The following POLR1A variants were observed in gnomAD, a reference collection of about 807,000 sequenced individuals.
The protein encoded by POLR1A is DNA-directed RNA polymerase I subunit RPA1.
POLR1A carries 84 observed loss-of-function variants against 205.3 expected under a neutral mutation model. That is an observed-to-expected ratio of 0.41 (90% CI 0.34 to 0.49). POLR1A has a LOEUF of 0.49. Ranked by LOEUF, POLR1A falls within the 20% of genes least tolerant of loss-of-function variation. The probability of loss-of-function intolerance (pLI) is 0.22; values close to 1 mark genes in which losing one functional copy is unlikely to be tolerated. For synonymous variants in POLR1A, 799 were observed against 863.7 expected, an observed-to-expected ratio of 0.93 and a Z score of 1.31; for missense variants, 1,645 against 2,204.5, an observed-to-expected ratio of 0.75 and a Z score of 5.08.
At chr2:86,099,170 T>C (rs928683327) in intron 2 of POLR1A, among the ~76,000 whole-genome samples, 4 of 151,948 alleles carry the variant, frequency 2.6e-5, no homozygotes, top group African/African-American at 9.7e-5. Context: ...GCCAACATGA[T>C]GAACCTGTCT....
At chr2:86,058,002 A>G (rs1227468865) in intron 14 of POLR1A, among the ~76,000 whole-genome samples, 1 of 151,950 alleles carries the variant, frequency 6.6e-6, no homozygotes, top group Non-Finnish European at 1.5e-5. Flanking sequence ...TGGCACAATC[A>G]TAGCTCACTG....
chr2:86,095,284 T>C (rs1196610423), intron 3 of POLR1A, among the ~76,000 whole-genome samples: 1 of 152,152 alleles, frequency 6.6e-6, no homozygotes, highest in African/African-American at 2.4e-5. Flanking sequence ...ACAACTTTTC[T>C]ATGTGACAAG....
intron 3 of POLR1A, 98 bp from the exon 4 acceptor site, chr2:86,090,027 T>C (rs1673573835): frequency 4.5e-6 from 3 of 671,384 alleles, no homozygotes; most frequent in Admixed American, 2.7e-5. Flanking sequence ...AAAAGATTCA[T>C]TTGAAGGGAG....
At chr2:86,063,549 CATATT>C (rs1457339241) in intron 14 of POLR1A, among the ~76,000 whole-genome samples, 2 of 152,008 alleles carry the variant, frequency 1.3e-5, no homozygotes, top group African/African-American at 4.8e-5. Flanking sequence ...ACCAAACAAA[CATATT>C]ATAAGAAAAT....
intron 19 of POLR1A, 78 bp downstream of exon 19, chr2:86,047,083 GAACA>G: frequency 1.1e-6 from 1 of 885,602 alleles, no homozygotes. Context: ...GTTTTATAGG[GAACA>G]AACTGAAACC....
intron 8 of POLR1A, among the ~76,000 whole-genome samples, chr2:86,081,336 C>T (rs4832240): frequency 0.28 from 42,123 of 151,972 alleles, 7,086 homozygotes; most frequent in East Asian, 0.5. Context: ...GCAGAGGTTG[C>T]AGTAAGTCAA....
intron 3 of POLR1A, among the ~76,000 whole-genome samples, 179 bp from the exon 4 acceptor site, chr2:86,090,108 ACAAG>A (rs1673575121): frequency 6.6e-6 from 1 of 152,156 alleles, no homozygotes; most frequent in African/African-American, 2.4e-5. Context: ...AAAAAATCAA[ACAAG>A]GTCAGGCGTG....
chr2:86,034,431 G>C (rs989318884), intron 27 of POLR1A, among the ~76,000 whole-genome samples: 2 of 152,220 alleles, frequency 1.3e-5, no homozygotes, highest in African/African-American at 4.8e-5. Context: ...TTGTGGCAAT[G>C]AATCGTGTCA....
intron 6 of POLR1A, among the ~76,000 whole-genome samples, chr2:86,087,074 T>A (rs1324781480): frequency 6.6e-6 from 1 of 152,224 alleles, no homozygotes; most frequent in Non-Finnish European, 1.5e-5. Flanking sequence ...GTCTGTAGTT[T>A]AGATAATAGT....
chr2:86,087,341 T>C (rs1673519929), intron 6 of POLR1A, among the ~76,000 whole-genome samples: 1 of 152,250 alleles, frequency 6.6e-6, no homozygotes, highest in African/African-American at 2.4e-5. Context: ...CTTATTTCCA[T>C]GCTTATCCCA....
At chr2:86,066,177 T>C (rs970808530) in intron 13 of POLR1A, among the ~76,000 whole-genome samples, 2 of 152,096 alleles carry the variant, frequency 1.3e-5, no homozygotes, top group African/African-American at 4.8e-5. Context: ...CTGGCCAGTG[T>C]TGGGAGGAAG....
At chr2:86,046,086 A>G (rs956260944) in intron 19 of POLR1A, among the ~76,000 whole-genome samples, 1 of 152,110 alleles carries the variant, frequency 6.6e-6, no homozygotes, top group Non-Finnish European at 1.5e-5. Flanking sequence ...GGGGAAAGAG[A>G]GGCCTGCAGG....
intron 1 of POLR1A, among the ~76,000 whole-genome samples, chr2:86,101,267 A>G (rs1462756996): frequency 6.6e-6 from 1 of 152,228 alleles, no homozygotes; most frequent in Non-Finnish European, 1.5e-5. Flanking sequence ...GGCTGAAACG[A>G]GAGTCCCCTA....
rs978208960 is a variant in POLR1A at position 86,096,053 on chromosome 2, C to T, written c.432+2558G>A. Among the ~76,000 whole-genome samples, 3 of 152,062 alleles carry T rather than the reference C, an allele frequency of 2.0e-5. No homozygotes were observed. In the South Asian group the frequency reaches 6.2e-4, roughly 32 times the overall value. ...GACATAATCTCATATATAGAAAAAC[C>T]TAGACTCTACCAAAAACCTCTTAGA... On this transcript the variant is annotated intron_variant, in intron 3 of 33. Transcript: ENST00000263857.
chr2:86,042,553 C>T (rs1672628186), intron 23 of POLR1A, among the ~76,000 whole-genome samples: 1 of 152,216 alleles, frequency 6.6e-6, no homozygotes, highest in South Asian at 2.1e-4. Flanking sequence ...CCCCTGCTTC[C>T]AGCTCCCAGG....
At chr2:86,087,933 G>A (rs948140864) in intron 6 of POLR1A, among the ~76,000 whole-genome samples, 1 of 152,194 alleles carries the variant, frequency 6.6e-6, no homozygotes, top group Non-Finnish European at 1.5e-5. Context: ...AGCAGGTACC[G>A]CTCTCAGTGC....
Position 86,027,484 on chromosome 2 carries a change from A to T in POLR1A, c.5102T>A (p.Val1701Glu). The T allele has an allele frequency of 6.2e-7, 1 of 1,614,158 alleles. No homozygotes were observed. Residue 1701 changes from valine to glutamate, a missense_variant, in exon 34 of 34, where the codon GTG becomes GAG. Coordinates refer to ENST00000263857, the MANE Select transcript of POLR1A (RefSeq NM_015425.6). ...CCCGCCCCTGACGACCTTCCCGACC[A>T]CAAGGCAGGCAGAAGGAGACCTCAG... The part of the protein sequence containing the change: ...DELRSPSACL[V>E]VGKVVRGGTG...
At chr2:86,048,564 C>T (rs756754614) in intron 18 of POLR1A, among the ~76,000 whole-genome samples, 4 of 152,234 alleles carry the variant, frequency 2.6e-5, no homozygotes, top group African/African-American at 9.6e-5. Flanking sequence ...GGGTCCCTCA[C>T]CCTGCTTATT....
chr2:86,035,401 C>T (rs761865396), intron 27 of POLR1A, among the ~76,000 whole-genome samples: 1 of 152,194 alleles, frequency 6.6e-6, no homozygotes, highest in Non-Finnish European at 1.5e-5. Flanking sequence ...AAAGTCCTGA[C>T]CTGCCACAGA....
Sources: allele counts gnomAD v4.1 joint callset (sites outside exome capture counted in the v4.1 genomes callset), GRCh38; gene constraint gnomAD v4.1.1; transcripts MANE v1.5; gene names NCBI Gene and HGNC (gene_info 2026-07-23, HGNC 2026-07-21).